DTWD2: variants seen among roughly 807,000 people sequenced by gnomAD.
DTWD2 encodes the protein DTW motif tRNA-uridine aminocarboxypropyltransferase 2.
Under a neutral mutation model 31.8 loss-of-function variants are expected in DTWD2, and 39 were observed. That is an observed-to-expected ratio of 1.22 (90% CI 0.95 to 1.60). The LOEUF is 1.60. Ranked by LOEUF, DTWD2 falls within the 40% of genes most tolerant of loss-of-function variation. The pLI, the probability that DTWD2 is intolerant of heterozygous loss-of-function variation, is 0.00. For synonymous variants in DTWD2, 180 were observed against 142.8 expected (o/e 1.26, Z -1.86); for missense variants, 515 against 381.5 (o/e 1.35, Z -2.92).
intron 4 of DTWD2, among the ~76,000 whole-genome samples, chr5:118,882,270 T>A (rs1443661045): frequency 6.6e-6 from 1 of 152,320 alleles, no homozygotes; most frequent in East Asian, 1.9e-4. Flanking sequence ...GGCAAGTTGA[T>A]GCAACAGGAG....
intron 4 of DTWD2, among the ~76,000 whole-genome samples, chr5:118,909,203 T>C (rs1396213361): frequency 6.6e-6 from 1 of 152,206 alleles, no homozygotes. Context: ...TGTGGCCTAT[T>C]GGCATCAACC....
chr5:118,889,526 G>A (rs1177891365), intron 4 of DTWD2, among the ~76,000 whole-genome samples: 1 of 151,762 alleles, frequency 6.6e-6, no homozygotes, highest in Admixed American at 6.6e-5. Flanking sequence ...TAACACGGGG[G>A]GATATGCATG....
intron 1 of DTWD2, among the ~76,000 whole-genome samples, chr5:118,987,954 C>T (rs1580459889): frequency 6.6e-6 from 1 of 152,336 alleles, no homozygotes; most frequent in East Asian, 1.9e-4. Context: ...AACTATGCCA[C>T]TTAAATATGA....
rs185441646 is a variant in DTWD2 at position 118,925,679 on chromosome 5, A to G, written c.597+2858T>C. ...GCTAACATGGTGAAACCCTGTCTCT[A>G]CTAAAAATACAAAAAATTAGCCGGG... On this transcript the variant is annotated intron_variant, in intron 4 of 5. Transcript: ENST00000510708. 7.2e-5 allele frequency among the ~76,000 whole-genome samples: 11 copies of G among 151,926 alleles called. No individual in the cohort carries two copies. In the East Asian group the frequency reaches 2.1e-3, roughly 30 times the overall value.
chr5:118,977,062 C>T (rs1270636474), intron 1 of DTWD2, among the ~76,000 whole-genome samples: 1 of 152,136 alleles, frequency 6.6e-6, no homozygotes, highest in Admixed American at 6.5e-5. Flanking sequence ...TAATCCATCA[C>T]ATAAACAGAA....
chr5:118,945,027 T>TAA lies in DTWD2; in HGVS notation c.219-380_219-379dup, dbSNP rs1754300876. Among the ~76,000 whole-genome samples, 4 of 152,314 alleles carry TAA rather than the reference T, an allele frequency of 2.6e-5. No individual in the cohort carries two copies. In the South Asian group the frequency reaches 6.2e-4, roughly 24 times the overall value. ...ACCTGGCAACTCTTCTGTGTCACTTTAAGTTGAGTAAACAATAAGATGATA... is the reference window on the plus strand; with the variant it reads ...ACCTGGCAACTCTTCTGTGTCACTTTAAAAGTTGAGTAAACAATAAGATGATA... On this transcript the variant is annotated intron_variant, in intron 1 of 5. Coordinates refer to ENST00000510708, the MANE Select transcript of DTWD2 (RefSeq NM_173666.4).
chr5:118,898,227 T>G (rs116558069), intron 4 of DTWD2, among the ~76,000 whole-genome samples: 4 of 152,140 alleles, frequency 2.6e-5, no homozygotes, highest in African/African-American at 4.8e-5. Flanking sequence ...TAGGTAAACT[T>G]TGATACAATT....
chr5:118,867,599 G>A (rs559123745), intron 4 of DTWD2, among the ~76,000 whole-genome samples: 7 of 152,150 alleles, frequency 4.6e-5, no homozygotes, highest in Non-Finnish European at 8.8e-5. Context: ...TATTATGGAA[G>A]CATCTCAAAA....
At chr5:118,975,762 A>G (rs1755139985) in intron 1 of DTWD2, among the ~76,000 whole-genome samples, 1 of 152,164 alleles carries the variant, frequency 6.6e-6, no homozygotes, top group African/African-American at 2.4e-5. Flanking sequence ...TTAACACCTC[A>G]CCATCAATAC....
intron 4 of DTWD2, among the ~76,000 whole-genome samples, chr5:118,926,627 A>T (rs914597539): frequency 2.0e-5 from 3 of 152,208 alleles, no homozygotes; most frequent in South Asian, 4.1e-4. Flanking sequence ...GAACACTTTA[A>T]CCCAAAATAA....
chr5:118,839,080 T>G lies in DTWD2; in HGVS notation c.*1837A>C, dbSNP rs1288141986. ...AGGAGGCTGAGGCAGAAGAATGGCG[T>G]GAACCCAGGAGGCAGAGCTTTCAGT... On this transcript the variant is annotated 3_prime_UTR_variant, in exon 6 of 6. Transcript: ENST00000510708. The G allele has an allele frequency of 3.9e-5, 6 of 152,074 alleles. No individual in the cohort carries two copies. Among genetic ancestry groups the G allele is most frequent in the African/African-American group, 1.4e-4 (6 of 41,424 alleles). 9.4% of individuals were successfully genotyped at this position (152,074 alleles called of 1,614,324 possible). A position where few individuals can be genotyped will look rare whatever the true frequency, so the allele number is the denominator to read the frequency against.
intron 4 of DTWD2, among the ~76,000 whole-genome samples, chr5:118,904,139 G>C (rs1753275169): frequency 6.6e-6 from 1 of 152,154 alleles, no homozygotes; most frequent in Non-Finnish European, 1.5e-5. Context: ...GGGCTGTTGA[G>C]ATTATGAGAC....
In DTWD2 at chr5:118,848,196, G is replaced by A. The variant is rs1230267580; in HGVS notation, c.620C>T (p.Ser207Phe). The stretch of plus-strand genomic sequence containing the variant: ...CTGCATCCGAATTACATACTGACTA[G>A]AAATGCTAGTTTTTAATTGCACCTG... The part of the protein sequence containing the change: ...PKQVQLKTSI[S>F]SQYVIRMQPT... The change falls in exon 5 of 6, where the codon TCT becomes TTT. Residue 207 changes from serine (S) to phenylalanine (F), a missense_variant. Transcript: ENST00000510708. 6.2e-7 allele frequency: 1 copy of A among 1,601,218 alleles called. No homozygotes were observed. The highest frequency in any genetic ancestry group is 8.5e-7 in the Non-Finnish European group (1 of 1,175,004).
chr5:118,936,235 A>G (rs1022249618), intron 3 of DTWD2, among the ~76,000 whole-genome samples: 1 of 152,192 alleles, frequency 6.6e-6, no homozygotes, highest in African/African-American at 2.4e-5. Flanking sequence ...TATATAAAGC[A>G]ATGGTTAAGA....
intron 1 of DTWD2, among the ~76,000 whole-genome samples, chr5:118,961,078 T>TAA (rs55699245): frequency 1.1e-3 from 166 of 150,342 alleles, no homozygotes; most frequent in African/African-American, 3.7e-3. Context: ...AACTAAAAGT[T>TAA]AAAAAAAAAA....
In DTWD2 at chr5:118,948,595, G is replaced by A. The variant is rs568010596; in HGVS notation, c.219-3946C>T. ...AGAGAGACACGGTCATGGGGGTCAG[G>A]TGTGGTATCAGGAATAATGTGGGGG... On this transcript the variant is annotated intron_variant, in intron 1 of 5. Coordinates refer to ENST00000510708, the MANE Select transcript of DTWD2 (RefSeq NM_173666.4). Among the ~76,000 whole-genome samples the A allele has an allele frequency of 5.9e-5, 9 of 152,308 alleles. No individual in the cohort carries two copies. In the East Asian group the frequency reaches 1.7e-3, roughly 29 times the overall value.
chr5:118,950,933 G>T (rs912441148), intron 1 of DTWD2, among the ~76,000 whole-genome samples: 2 of 152,134 alleles, frequency 1.3e-5, no homozygotes, highest in African/African-American at 2.4e-5. Flanking sequence ...AGCAGATTGG[G>T]TAATAAAATG....
intron 4 of DTWD2, among the ~76,000 whole-genome samples, chr5:118,885,929 C>A (rs906290868): frequency 6.6e-6 from 1 of 152,096 alleles, no homozygotes; most frequent in Non-Finnish European, 1.5e-5. Context: ...CACACCACTA[C>A]ACCCCAGCCT....
intron 3 of DTWD2, among the ~76,000 whole-genome samples, chr5:118,937,326 T>A (rs548813675): frequency 1.3e-5 from 2 of 151,894 alleles, no homozygotes; most frequent in South Asian, 4.2e-4. Context: ...GTTATTACAG[T>A]TAATGTATTG....
Sources: gnomAD v4.1 joint callset for allele counts (sites outside exome capture counted in the v4.1 genomes callset) on GRCh38, gnomAD v4.1.1 for gene constraint, MANE v1.5 for transcripts, NCBI Gene and HGNC (gene_info 2026-07-23, HGNC 2026-07-21) for gene names.